CCDC144A: variants seen among roughly 807,000 people sequenced by gnomAD.
CCDC144A encodes coiled-coil domain-containing protein 144A.
A neutral mutation model predicts 143.8 loss-of-function variants in CCDC144A; 41 were observed. The ratio of observed to expected loss-of-function variants is 0.29; its 90% CI spans 0.22 to 0.37. The LOEUF (loss-of-function observed/expected upper bound fraction) is 0.37, where lower values mean the gene tolerates loss of function less well. Ranked by LOEUF, CCDC144A falls within the 10% of genes least tolerant of loss-of-function variation. The pLI, the probability that CCDC144A is intolerant of heterozygous loss-of-function variation, is 1.00. For missense variants in CCDC144A, 637 were observed against 1,488.8 expected, an observed-to-expected ratio of 0.43 and a Z score of 9.41; for synonymous variants, 242 against 517.9, an observed-to-expected ratio of 0.47 and a Z score of 7.23.
In CCDC144A at chr17:16,709,275, T is replaced by C. The variant is rs1225743716; in HGVS notation, c.1218T>C (p.Asp406=). 6.2e-7 allele frequency: 1 copy of C among 1,611,684 alleles called. No individual in the cohort carries two copies. The highest frequency in any genetic ancestry group is 1.7e-5 in the Admixed American group (1 of 59,998). The change falls in exon 5 of 17, where the codon GAT becomes GAC. Residue 406 remains aspartate, a synonymous_variant. Coordinates refer to ENST00000399273, the MANE Select transcript of CCDC144A (RefSeq NM_001382000.1). The part of the protein sequence containing the change: ...LHENKLDCDN[D]NKPGIGHIFS... The stretch of plus-strand genomic sequence containing the variant: ...AAAATAAATTAGACTGCGACAATGA[T>C]AACAAACCAGGCATTGGACATATTT...
the CCDC144A span, among the ~76,000 whole-genome samples, chr17:16,669,073 G>A: frequency 6.6e-6 from 1 of 151,998 alleles, no homozygotes; most frequent in Admixed American, 6.6e-5. Flanking sequence ...TATTTTGGAG[G>A]AATATCATAA....
rs530540142 is a variant in CCDC144A at position 16,722,778 on chromosome 17, G to A, written c.1891+2120G>A. On this transcript the variant is annotated intron_variant, in intron 8 of 16. Coordinates refer to ENST00000399273, the MANE Select transcript of CCDC144A (RefSeq NM_001382000.1). The stretch of plus-strand genomic sequence containing the variant: ...TGTCATTTAGTTGGTATCAGACAGC[G>A]TGTAGCCTTTAGACTGGCATCTTTC... Among the ~76,000 whole-genome samples the A allele has an allele frequency of 3.4e-4, 52 of 152,108 alleles. No individual in the cohort carries two copies. In the East Asian group the frequency reaches 8.1e-3, roughly 24 times the overall value.
At chr17:16,692,164 A>G (rs555304402) in intron 1 of CCDC144A, among the ~76,000 whole-genome samples, 1 of 152,302 alleles carries the variant, frequency 6.6e-6, no homozygotes, top group South Asian at 2.1e-4. Flanking sequence ...TTTGTTTTCC[A>G]TGTCAGTTGG....
At chr17:16,700,602 G>T (rs1208990093) in intron 2 of CCDC144A, among the ~76,000 whole-genome samples, 1 of 152,274 alleles carries the variant, frequency 6.6e-6, no homozygotes, top group East Asian at 1.9e-4. Context: ...AATCTTTGCT[G>T]CCCAGCAGCT....
Position 16,735,568 on chromosome 17 carries a change from CA to C in CCDC144A, c.3299del (p.Lys1100ArgfsTer3). The C allele has an allele frequency of 1.3e-6, 1 of 790,938 alleles. No homozygotes were observed. The highest frequency in any genetic ancestry group is 2.0e-5 in the Admixed American group (1 of 49,550). The allele number at this position is 790,938 out of a possible 1,614,324, so 49.0% of individuals were successfully genotyped here. ...KQILSLQEKN[K>X]ELMDEYNHLK... ...AGATTCTTTCACTACAAGAGAAGAA[CA>C]AGGAGCTGATGGATGAATATAATCA... is the stretch of plus-strand genomic sequence containing the variant. On this transcript the variant is annotated frameshift_variant, in exon 12 of 17. Coordinates refer to ENST00000399273, the MANE Select transcript of CCDC144A (RefSeq NM_001382000.1). LOFTEE classifies it high-confidence loss of function.
intron 11 of CCDC144A, among the ~76,000 whole-genome samples, chr17:16,732,930 A>AT (rs1328547679): frequency 2.6e-5 from 4 of 151,408 alleles, no homozygotes; most frequent in Non-Finnish European, 5.9e-5. Context: ...AACATTTGTT[A>AT]TTTTTCATAG....
At chr17:16,722,146 A>T (rs1338302428) in intron 8 of CCDC144A, among the ~76,000 whole-genome samples, 2 of 151,854 alleles carry the variant, frequency 1.3e-5, no homozygotes, top group African/African-American at 2.4e-5. Context: ...TTTTTTTTTT[A>T]AATCAGGAAT....
At chr17:16,718,981 G>A (rs770995626) in intron 6 of CCDC144A, among the ~76,000 whole-genome samples, 14 of 139,048 alleles carry the variant, frequency 1.0e-4, no homozygotes, top group Non-Finnish European at 1.8e-4. Context: ...ACAGGCGCCC[G>A]CCACCGTGCC....
At chr17:16,751,157 T>C (rs1463208729) in intron 12 of CCDC144A, among the ~76,000 whole-genome samples, 1 of 152,204 alleles carries the variant, frequency 6.6e-6, no homozygotes, top group Non-Finnish European at 1.5e-5. Context: ...AAAATGCTGA[T>C]GTTTCTTTAT....
At chr17:16,686,687 G>A (rs552212607), upstream of CCDC144A, among the ~76,000 whole-genome samples, 2 of 150,850 alleles carry the variant, frequency 1.3e-5, no homozygotes, top group South Asian at 4.2e-4. Context: ...TCACTCCGTC[G>A]CCCAGGCTGG....
At chr17:16,667,362 GC>G in the CCDC144A span, among the ~76,000 whole-genome samples, 17 of 141,490 alleles carry the variant, frequency 1.2e-4, no homozygotes, top group Admixed American at 7.8e-4. Context: ...AGGGGCTGAG[GC>G]GGCTGAGGGG....
chr17:16,692,308 G>C (rs1008936248), intron 1 of CCDC144A, among the ~76,000 whole-genome samples: 3 of 150,632 alleles, frequency 2.0e-5, no homozygotes, highest in Non-Finnish European at 4.4e-5. Flanking sequence ...GATGAGCTCA[G>C]TAATAGTGGA....
At position 16,724,034 on chromosome 17, in the gene CCDC144A, A is replaced by G. The variant is rs2266257; in HGVS notation, c.1891+3376A>G. The stretch of plus-strand genomic sequence containing the variant: ...TGTGTTCCACAAATCCTGATATGTA[A>G]TATTTTCATTTTCATTCAGTTCAAA... On this transcript the variant is annotated intron_variant, in intron 8 of 16. Coordinates refer to ENST00000399273, the MANE Select transcript of CCDC144A (RefSeq NM_001382000.1). 3.4e-3 allele frequency among the ~76,000 whole-genome samples: 503 copies of G among 147,504 alleles called. 4 individuals are homozygous for G. The highest frequency in any genetic ancestry group is 0.012 in the African/African-American group (463 of 37,054).
At chr17:16,740,497 G>T (rs1158963707) in intron 12 of CCDC144A, among the ~76,000 whole-genome samples, 1 of 152,208 alleles carries the variant, frequency 6.6e-6, no homozygotes, top group Non-Finnish European at 1.5e-5. Context: ...TGAATTAGTT[G>T]TATGAATTTC....
chr17:16,748,290 T>C (rs549447165), intron 12 of CCDC144A, among the ~76,000 whole-genome samples: 1 of 152,182 alleles, frequency 6.6e-6, no homozygotes, highest in Non-Finnish European at 1.5e-5. Context: ...TTGTTGGGTG[T>C]TTTTTTCATG....
intron 9 of CCDC144A, among the ~76,000 whole-genome samples, chr17:16,729,683 G>A (rs952177750): frequency 6.6e-6 from 1 of 151,534 alleles, no homozygotes; most frequent in Admixed American, 6.6e-5. Flanking sequence ...AGCCTCCTGA[G>A]TAGCTGTGAT....
At chr17:16,754,683 A>G (rs1448559392) in intron 12 of CCDC144A, among the ~76,000 whole-genome samples, 1 of 152,260 alleles carries the variant, frequency 6.6e-6, no homozygotes, top group Non-Finnish European at 1.5e-5. Context: ...TGTGCTAATG[A>G]GAAGAATGTG....
chr17:16,688,390 G>A (rs1403410985), upstream of CCDC144A, among the ~76,000 whole-genome samples: 2 of 151,954 alleles, frequency 1.3e-5, no homozygotes, highest in African/African-American at 4.8e-5. Flanking sequence ...AATGTCATAC[G>A]TGTGACTAAA....
chr17:16,732,856 A>G (rs1418171172), intron 11 of CCDC144A, among the ~76,000 whole-genome samples, 190 bp downstream of exon 11: 2 of 150,906 alleles, frequency 1.3e-5, no homozygotes, highest in Non-Finnish European at 3.0e-5. Context: ...CATGTTCTTA[A>G]TTCAACTCCA....
Sources: gnomAD v4.1 joint callset for allele counts (sites outside exome capture counted in the v4.1 genomes callset) on GRCh38, gnomAD v4.1.1 for gene constraint, MANE v1.5 for transcripts, NCBI Gene and HGNC (gene_info 2026-07-23, HGNC 2026-07-21) for gene names.